The following ALG1 variants were observed in gnomAD, a reference collection of about 807,000 sequenced individuals.
The protein encoded by ALG1 is chitobiosyldiphosphodolichol beta-mannosyltransferase.
In ALG1, 58 loss-of-function variants were observed where a neutral mutation model predicts 55.1. The observed-to-expected ratio is 1.05, with a 90% CI of 0.85 to 1.31. ALG1 has a LOEUF of 1.31. Among genes scored for constraint, ALG1 ranks in the 50% most tolerant of loss-of-function variants. The probability of loss-of-function intolerance (pLI) is 0.00; values close to 1 mark genes in which losing one functional copy is unlikely to be tolerated. For synonymous variants in ALG1, 309 were observed against 247.0 expected (o/e 1.25, Z -2.35); for missense variants, 761 against 598.6 (o/e 1.27, Z -2.83).
intron 3 of ALG1, among the ~76,000 whole-genome samples, chr16:5,074,629 G>A (rs111367750): frequency 1.3e-5 from 2 of 152,162 alleles, no homozygotes; most frequent in Non-Finnish European, 2.9e-5. Flanking sequence ...CTTTCTTAGG[G>A]TAACTTCCCA....
At position 5,077,819 on chromosome 16, in the gene ALG1, C is replaced by T. The variant is rs1265979129; in HGVS notation, c.630-88C>T. 7.8e-5 allele frequency: 97 copies of T among 1,249,346 alleles called. No homozygotes were observed. In the East Asian group the frequency reaches 1.1e-3, roughly 14 times the overall value. The allele number at this position is 1,249,346 out of a possible 1,614,324, so 77.4% of individuals were successfully genotyped here. ...TCATCTGAGACTTGGATTCCCCAAG[C>T]GTCCTTCTTTTCCTGGAGCCTCTGA... is the stretch of plus-strand genomic sequence containing the variant. On this transcript the variant is annotated intron_variant, in intron 5 of 12. Transcript: ENST00000262374.
intron 9 of ALG1, 86 bp from the exon 10 acceptor site, chr16:5,080,860 C>A: frequency 6.5e-7 from 1 of 1,534,422 alleles, no homozygotes; most frequent in African/African-American, 1.4e-5. Context: ...GAAAGGGATC[C>A]CTCCTAGGGG....
chr16:5,077,454 G>A lies in ALG1; in HGVS notation c.549G>A (p.Lys183=). The A allele has an allele frequency of 6.2e-7, 1 of 1,614,196 alleles. No individual in the cohort carries two copies. The highest frequency in any genetic ancestry group is 8.5e-7 in the Non-Finnish European group (1 of 1,180,026). ...PLVLLAKWYE[K]FFGRLSHLNL... ...TGATCTCTCTTTTCAGGTACGAGAA[G>A]TTCTTTGGGCGCCTGTCCCACCTGA... The change falls in exon 5 of 13, where the codon AAG becomes AAA. Residue 183 remains lysine (K), a synonymous_variant. Transcript: ENST00000262374.
In ALG1 at chr16:5,077,938, T is replaced by C; in HGVS notation, c.661T>C (p.Phe221Leu). The change falls in exon 6 of 13, where the codon TTC becomes CTC. Residue 221 changes from phenylalanine (F) to leucine (L), a missense_variant. By Grantham distance (22) the Phe-to-Leu change is conservative. Transcript: ENST00000262374. ...AVTVYDKPAS[F>L]FKETPLDLQH... ...GACCGTCTACGACAAGCCCGCATCT[T>C]TCTTTAAAGAGACACCTCTGGACCT... 1 of 1,607,576 alleles carries C rather than the reference T, an allele frequency of 6.2e-7. No homozygotes were observed. The highest frequency in any genetic ancestry group is 8.5e-7 in the Non-Finnish European group (1 of 1,179,826).
In ALG1 at chr16:5,083,846, G is replaced by T. The variant is rs2142728959; in HGVS notation, c.1263+89G>T. 1.9e-6 allele frequency: 3 copies of T among 1,583,164 alleles called. No homozygotes were observed. The East Asian group carries it at 6.7e-5, about 35-fold the overall frequency. On this transcript the variant is annotated intron_variant, in intron 12 of 12. Transcript: ENST00000262374. ...CCCTGATCCCTGCTTCCCACAGCCA[G>T]GGTGGGACCATGTGGGGTCTGGCGG...
rs1221736765 is a variant in ALG1, at chr16:5,086,768, G to A, written c.*1887G>A. On this transcript the variant is annotated 3_prime_UTR_variant, in exon 13 of 13. Coordinates refer to ENST00000262374, the MANE Select transcript of ALG1 (RefSeq NM_019109.5). ...TCACTGCAACGCCTCCCAGGTTCAA[G>A]TGATTCTCCTGCCTCAGTCTCCCGA... is the stretch of plus-strand genomic sequence containing the variant. The A allele has an allele frequency of 1.3e-5, 2 of 152,252 alleles. No individual in the cohort carries two copies. The highest frequency in any genetic ancestry group is 4.8e-5 in the African/African-American group (2 of 41,452). The allele number at this position is 152,252 out of a possible 1,614,324, so 9.4% of individuals were successfully genotyped here.
chr16:5,072,002 C>T lies in ALG1; in HGVS notation c.153C>T (p.Tyr51=). ...GDVGRSPRMQ[Y]HALSLAMHGF... ...TGGGCCGCAGCCCCCGTATGCAGTA[C>T]CACGCGCTGTCGTTGGCCATGCACG... Residue 51 remains tyrosine, a synonymous_variant, in exon 1 of 13, where the codon TAC becomes TAT. Transcript: ENST00000262374. The T allele has an allele frequency of 6.3e-7, 1 of 1,598,056 alleles. No individual in the cohort carries two copies. The highest frequency in any genetic ancestry group is 1.1e-5 in the South Asian group (1 of 88,914).
rs1192868940 is a variant in ALG1, at chr16:5,072,539, T to G, written c.209-412T>G. Among the ~76,000 whole-genome samples, 9 of 152,168 alleles carry G rather than the reference T, an allele frequency of 5.9e-5. No homozygotes were observed. The East Asian group carries it at 1.7e-3, about 29-fold the overall frequency. On this transcript the variant is annotated intron_variant, in intron 1 of 12. Transcript: ENST00000262374. ...TCTCCACGTTGGTATCTTGAGAGGG[T>G]AGCTCAACCCCATCTCAGGAAGAAG...
intron 12 of ALG1, 45 bp downstream of exon 12, chr16:5,083,802 A>G: frequency 6.3e-7 from 1 of 1,597,152 alleles, no homozygotes; most frequent in Non-Finnish European, 8.5e-7. Flanking sequence ...GGTTCTGGAG[A>G]CTGGCACCGA....
At chr16:5,077,288 A>C (rs977887860) in intron 4 of ALG1, among the ~76,000 whole-genome samples, 157 bp from the exon 5 acceptor site, 1 of 152,200 alleles carries the variant, frequency 6.6e-6, no homozygotes, top group Non-Finnish European at 1.5e-5. Context: ...AGGAGGGTAT[A>C]TACAGCATAA....
At position 5,072,680 on chromosome 16, in the gene ALG1, C is replaced by G. The variant is rs8045294; in HGVS notation, c.209-271C>G. On this transcript the variant is annotated intron_variant, in intron 1 of 12. Coordinates refer to ENST00000262374, the MANE Select transcript of ALG1 (RefSeq NM_019109.5). Reference sequence around the variant, plus strand: ...TGGTGGGAAAATTCCACTATCCAGACAATCTAGATTAGTTTAATTGAGCAC... The same window carrying G: ...TGGTGGGAAAATTCCACTATCCAGAGAATCTAGATTAGTTTAATTGAGCAC... Among the ~76,000 whole-genome samples, 83,275 of 151,850 alleles carry G rather than the reference C, an allele frequency of 0.55. 23,060 individuals are homozygous for G. The highest frequency in any genetic ancestry group is 0.69 in the South Asian group (3,342 of 4,814).
rs1420287233 is a variant in ALG1, at chr16:5,084,776, T to C, written c.1290T>C (p.Pro430=). The change falls in exon 13 of 13, where the codon CCT becomes CCC. Residue 430 remains proline (P), a synonymous_variant. Coordinates refer to ENST00000262374, the MANE Select transcript of ALG1 (RefSeq NM_019109.5). ...LQMLFSNFPD[P]AGKLNQFRKN... ...TGCTTTTCTCAAACTTTCCTGATCC[T>C]GCGGGCAAGCTAAACCAGTTCCGGA... is the stretch of plus-strand genomic sequence containing the variant. 1 of 1,596,344 alleles carries C rather than the reference T, an allele frequency of 6.3e-7. No individual in the cohort carries two copies. Among genetic ancestry groups the C allele is most frequent in the East Asian group, 2.2e-5 (1 of 44,894 alleles).
In ALG1 at chr16:5,071,859, T is replaced by A; in HGVS notation, c.10T>A (p.Ser4Thr). Residue 4 changes from serine (S) to threonine (T), a missense_variant, in exon 1 of 13, where the codon TCA becomes ACA. By Grantham distance (58) the Ser-to-Thr change is moderately conservative. Coordinates refer to ENST00000262374, the MANE Select transcript of ALG1 (RefSeq NM_019109.5). MAASCLVLLALCLL... is the reference protein window; with the variant it reads MAATCLVLLALCLL... Reference sequence around the variant, plus strand: ...CTGCGGGCCAGCCAAGATGGCGGCCTCATGCTTGGTCCTGCTGGCGCTGTG... The same window carrying A: ...CTGCGGGCCAGCCAAGATGGCGGCCACATGCTTGGTCCTGCTGGCGCTGTG... 1 of 1,604,646 alleles carries A rather than the reference T, an allele frequency of 6.2e-7. No individual in the cohort carries two copies. Among genetic ancestry groups the A allele is most frequent in the Non-Finnish European group, 8.5e-7 (1 of 1,178,730 alleles).
At position 5,076,951 on chromosome 16, in the gene ALG1, C is replaced by T. The variant is rs1019623116; in HGVS notation, c.540-494C>T. Among the ~76,000 whole-genome samples, 6 of 151,998 alleles carry T rather than the reference C, an allele frequency of 3.9e-5. No individual in the cohort carries two copies. In the South Asian group the frequency reaches 8.3e-4, roughly 21 times the overall value. ...CTGGGATTATAGGCACCCACCACCACGCCTGGCTAATTTTTGTGTTTTTAG... is the reference window on the plus strand; with the variant it reads ...CTGGGATTATAGGCACCCACCACCATGCCTGGCTAATTTTTGTGTTTTTAG... On this transcript the variant is annotated intron_variant, in intron 4 of 12. Transcript: ENST00000262374.
At chr16:5,077,326 C>T (rs1956931198) in intron 4 of ALG1, 119 bp from the exon 5 acceptor site, 2 of 862,586 alleles carry the variant, frequency 2.3e-6, no homozygotes, top group Non-Finnish European at 3.9e-6. Flanking sequence ...AGCTGGGGCT[C>T]AGGGAGCTCA....
intron 10 of ALG1, among the ~76,000 whole-genome samples, chr16:5,081,681 C>T (rs1037785175): frequency 6.6e-6 from 1 of 152,128 alleles, no homozygotes; most frequent in African/African-American, 2.4e-5. Context: ...ACCTCAGCCT[C>T]CCGAGTAGAT....
chr16:5,074,219 C>T (rs190652132), intron 3 of ALG1, among the ~76,000 whole-genome samples: 2 of 151,918 alleles, frequency 1.3e-5, no homozygotes, highest in East Asian at 3.9e-4. Flanking sequence ...GATCTTGGCT[C>T]ACTGCACCTT....
intron 4 of ALG1, among the ~76,000 whole-genome samples, chr16:5,075,740 G>C (rs1243114179): frequency 2.6e-5 from 4 of 152,184 alleles, no homozygotes; most frequent in African/African-American, 9.7e-5. Flanking sequence ...CCCATGAAAT[G>C]GAAGTGTCTG....
At chr16:5,072,358 C>G (rs8061267) in intron 1 of ALG1, 958,567 of 974,994 alleles carry the variant, frequency 0.98, 471,883 homozygotes, top group East Asian at 1. Flanking sequence ...AGCTACGTCC[C>G]TGTGCAGCTA....
Sources: allele counts gnomAD v4.1 joint callset (sites outside exome capture counted in the v4.1 genomes callset), GRCh38; gene constraint gnomAD v4.1.1; transcripts MANE v1.5; gene names NCBI Gene and HGNC (gene_info 2026-07-23, HGNC 2026-07-21).